The following SPAG16 variants were observed in gnomAD, a reference collection of about 807,000 sequenced individuals.
The protein encoded by SPAG16 is sperm associated antigen 16, also known as sperm-associated antigen 16 protein.
Under a neutral mutation model 80.4 loss-of-function variants are expected in SPAG16, and 86 were observed. The ratio of observed to expected loss-of-function variants is 1.07; its 90% CI spans 0.90 to 1.28. The LOEUF is 1.28. Among genes scored for constraint, SPAG16 ranks in the 50% most tolerant of loss-of-function variants. The pLI, the probability that SPAG16 is intolerant of heterozygous loss-of-function variation, is 0.00. For missense variants in SPAG16, 870 were observed against 765.3 expected (o/e 1.14, Z -1.61); for synonymous variants, 294 against 265.9 (o/e 1.11, Z -1.03).
At chr2:213,949,179 T>TTTTTTTTGTTTTG (rs1553677663) in intron 12 of SPAG16, among the ~76,000 whole-genome samples, 1 of 36,264 alleles carries the variant, frequency 2.8e-5, no homozygotes, top group Non-Finnish European at 5.5e-5. Flanking sequence ...GTTTTTTTTT[T>TTTTTTTTGTTTTG]TTTTTTTTTT....
intron 14 of SPAG16, among the ~76,000 whole-genome samples, chr2:214,125,856 G>A (rs376562557): frequency 1.3e-4 from 19 of 151,338 alleles, no homozygotes; most frequent in African/African-American, 3.9e-4. Context: ...TAAAAGACCC[G>A]GGGAAAATTG....
chr2:213,813,636 C>A (rs976043301), intron 10 of SPAG16, among the ~76,000 whole-genome samples: 1 of 152,126 alleles, frequency 6.6e-6, no homozygotes, highest in Admixed American at 6.5e-5. Flanking sequence ...GAAAGAGGAG[C>A]AAGAAACATG....
At chr2:213,992,722 AG>A (rs1192228364) in intron 12 of SPAG16, among the ~76,000 whole-genome samples, 1 of 152,224 alleles carries the variant, frequency 6.6e-6, no homozygotes, top group Non-Finnish European at 1.5e-5. Flanking sequence ...TAATTACAAA[AG>A]CCTGATGATT....
rs566637095 is a variant in SPAG16 at position 214,197,836 on chromosome 2, A to G, written c.1720+48570A>G. On this transcript the variant is annotated intron_variant, in intron 15 of 15. Transcript: ENST00000331683. Reference sequence around the variant, plus strand: ...CTGAATTAACCTATTAATAAAGTGAATATTAAACACCCAGATTTCTAAAAT... The same window carrying G: ...CTGAATTAACCTATTAATAAAGTGAGTATTAAACACCCAGATTTCTAAAAT... Among the ~76,000 whole-genome samples the G allele has an allele frequency of 2.0e-5, 3 of 151,762 alleles. No individual in the cohort carries two copies. The South Asian group carries it at 6.2e-4, about 31-fold the overall frequency.
chr2:213,823,995 T>C (rs1392261855), intron 10 of SPAG16, among the ~76,000 whole-genome samples: 1 of 152,236 alleles, frequency 6.6e-6, no homozygotes, highest in South Asian at 2.1e-4. Flanking sequence ...CCCATGCCTA[T>C]GTCCTGAATG....
intron 10 of SPAG16, among the ~76,000 whole-genome samples, chr2:213,726,909 A>G (rs192193837): frequency 3.6e-4 from 55 of 152,350 alleles, no homozygotes; most frequent in African/African-American, 1.3e-3. Flanking sequence ...TGAACAATAT[A>G]TAATACACTA....
At chr2:213,583,371 A>G (rs2060358374) in intron 10 of SPAG16, among the ~76,000 whole-genome samples, 1 of 152,162 alleles carries the variant, frequency 6.6e-6, no homozygotes, top group Admixed American at 6.5e-5. Context: ...TTGGTTGGCA[A>G]TTTTCCTTTA....
intron 10 of SPAG16, among the ~76,000 whole-genome samples, chr2:213,705,200 A>G (rs750085958): frequency 2.0e-5 from 3 of 151,790 alleles, no homozygotes; most frequent in Non-Finnish European, 4.4e-5. Flanking sequence ...GTGAGCCGTG[A>G]TCGTGCCACT....
At chr2:213,474,076 C>T (rs138716464) in intron 9 of SPAG16, among the ~76,000 whole-genome samples, 2 of 152,286 alleles carry the variant, frequency 1.3e-5, no homozygotes, top group African/African-American at 4.8e-5. Flanking sequence ...GCTGTTGCCA[C>T]TACTGGGCAT....
At chr2:213,940,093 G>A (rs1041305586) in intron 12 of SPAG16, among the ~76,000 whole-genome samples, 2 of 151,918 alleles carry the variant, frequency 1.3e-5, no homozygotes, top group Non-Finnish European at 2.9e-5. Flanking sequence ...CATTTGAAAA[G>A]GTACAAAATT....
chr2:213,654,725 A>T (rs564939453), intron 10 of SPAG16, among the ~76,000 whole-genome samples: 44 of 152,000 alleles, frequency 2.9e-4, no homozygotes, highest in Non-Finnish European at 5.6e-4. Context: ...TCAAAAAAAA[A>T]AATAAAGAAG....
intron 13 of SPAG16, among the ~76,000 whole-genome samples, chr2:214,064,857 T>C (rs1346990695): frequency 2.0e-5 from 3 of 151,954 alleles, no homozygotes; most frequent in African/African-American, 7.2e-5. Context: ...AAAAAGAAAA[T>C]ATGACCAAAA....
chr2:213,290,125 A>AT (rs1192800646), intron 1 of SPAG16, among the ~76,000 whole-genome samples: 2 of 152,234 alleles, frequency 1.3e-5, no homozygotes, highest in East Asian at 3.9e-4. Context: ...ACATTTTCCC[A>AT]TTTTCTGAAA....
chr2:213,760,965 C>G (rs772465363), intron 10 of SPAG16, among the ~76,000 whole-genome samples: 3 of 152,084 alleles, frequency 2.0e-5, no homozygotes, highest in African/African-American at 4.8e-5. Flanking sequence ...GTCCTTATGG[C>G]AGGATTTATG....
At chr2:213,901,396 G>A (rs986955855) in intron 11 of SPAG16, among the ~76,000 whole-genome samples, 1 of 152,136 alleles carries the variant, frequency 6.6e-6, no homozygotes, top group Admixed American at 6.6e-5. Flanking sequence ...CATTTTAAGA[G>A]TAGATGATAC....
At chr2:214,032,906 C>T (rs1281613874) in intron 13 of SPAG16, among the ~76,000 whole-genome samples, 2 of 152,054 alleles carry the variant, frequency 1.3e-5, no homozygotes, top group Admixed American at 1.3e-4. Flanking sequence ...TATCCATAAT[C>T]CATAAAATGC....
Position 213,889,614 on chromosome 2 carries a change from A to AC in SPAG16, c.1214+26986_1214+26987insC, listed in dbSNP as rs1491227542. ...CCTTGTTGCTCACACACACACACAC[A>AC]AAATATATATATACATATACATATA... On this transcript the variant is annotated intron_variant, in intron 11 of 15. Coordinates refer to ENST00000331683, the MANE Select transcript of SPAG16 (RefSeq NM_024532.5). 4.1e-4 allele frequency among the ~76,000 whole-genome samples: 62 copies of AC among 149,814 alleles called. 1 individual carries two copies. The highest frequency in any genetic ancestry group is 2.3e-3 in the South Asian group (11 of 4,734).
At chr2:213,403,012 C>T (rs2068407645) in intron 9 of SPAG16, among the ~76,000 whole-genome samples, 1 of 151,910 alleles carries the variant, frequency 6.6e-6, no homozygotes, top group South Asian at 2.1e-4. Flanking sequence ...CACTGACTTC[C>T]ACAATGGTTG....
At chr2:214,223,568 A>G (rs1329339667) in intron 15 of SPAG16, among the ~76,000 whole-genome samples, 2 of 152,172 alleles carry the variant, frequency 1.3e-5, no homozygotes, top group African/African-American at 4.8e-5. Context: ...GGTATTTAGT[A>G]GCAAAATTTA....
Sources: gnomAD v4.1 joint callset for allele counts (sites outside exome capture counted in the v4.1 genomes callset) on GRCh38, gnomAD v4.1.1 for gene constraint, MANE v1.5 for transcripts, NCBI Gene and HGNC (gene_info 2026-07-23, HGNC 2026-07-21) for gene names.